Variants in FAM177A1 observed in about 807,000 individuals in gnomAD.
FAM177A1 encodes the protein protein FAM177A1.
Under a neutral mutation model 26.1 loss-of-function variants are expected in FAM177A1, and 22 were observed. The observed-to-expected ratio is 0.84, with a 90% CI of 0.60 to 1.20. FAM177A1 has a LOEUF of 1.20. FAM177A1 is among the 50% of genes most tolerant of loss of function. FAM177A1 has a pLI of 0.00. For synonymous variants in FAM177A1, 95 were observed against 99.3 expected (o/e 0.96, Z 0.26); for missense variants, 296 against 291.1 (o/e 1.02, Z -0.12).
At chr14:35,069,197 A>G (rs1210419390) in intron 2 of FAM177A1, among the ~76,000 whole-genome samples, 4 of 152,132 alleles carry the variant, frequency 2.6e-5, no homozygotes, top group African/African-American at 9.7e-5. Flanking sequence ...TGTATAGCTA[A>G]ATCTCACCAT....
At chr14:35,054,192 G>A (rs1228688895) in intron 2 of FAM177A1, among the ~76,000 whole-genome samples, 3 of 152,108 alleles carry the variant, frequency 2.0e-5, no homozygotes, top group Non-Finnish European at 4.4e-5. Context: ...TACAGCCTGG[G>A]CAACAGAGTG....
intron 1 of FAM177A1, among the ~76,000 whole-genome samples, chr14:35,047,937 G>A (rs1158108681): frequency 1.3e-5 from 2 of 152,122 alleles, no homozygotes; most frequent in Non-Finnish European, 2.9e-5. Context: ...ATCTCTTATA[G>A]TATAAGATGT....
At chr14:35,069,808 C>T (rs532778177) in intron 2 of FAM177A1, among the ~76,000 whole-genome samples, 1 of 151,886 alleles carries the variant, frequency 6.6e-6, no homozygotes, top group South Asian at 2.1e-4. Context: ...GCATATGATA[C>T]TAATAGAGCA....
intron 2 of FAM177A1, among the ~76,000 whole-genome samples, chr14:35,062,745 G>A (rs2045178101): frequency 6.7e-6 from 1 of 149,820 alleles, no homozygotes; most frequent in Admixed American, 6.7e-5. Context: ...AGTGAGCCAT[G>A]ATCATGCCAC....
Position 35,046,470 on chromosome 14 carries a change from G to A in FAM177A1, c.7G>A (p.Val3Met). The change falls in exon 1 of 5, where the codon GTG (valine) becomes ATG (methionine). Residue 3 changes from valine to methionine, a missense_variant. Physicochemically the swap from Val to Met is conservative, Grantham distance 21. Coordinates refer to ENST00000280987, the MANE Select transcript of FAM177A1 (RefSeq NM_173607.5). Reference protein sequence around the residue: MEVGLPAITLFLT... With the variant: MEMGLPAITLFLT... Reference sequence around the variant, plus strand: ...CTGGGCGGGGAGACCAAGGATGGAAGTGGGCTTACCGGCCATTACCCTCTT... The same window carrying A: ...CTGGGCGGGGAGACCAAGGATGGAAATGGGCTTACCGGCCATTACCCTCTT... The A allele has an allele frequency of 1.3e-6, 2 of 1,584,174 alleles. No homozygotes were observed. Among genetic ancestry groups the A allele is most frequent in the African/African-American group, 1.4e-5 (1 of 73,230 alleles).
chr14:35,078,907 T>G lies in FAM177A1; in HGVS notation c.407-20T>G. On this transcript the variant is annotated intron_variant, in intron 3 of 4. Coordinates refer to ENST00000280987, the MANE Select transcript of FAM177A1 (RefSeq NM_173607.5). ...AATGTTTATAGAATTATATAAGTCT[T>G]TTAACTTTTGTATTTTCAGTGTGTG... 6.7e-7 allele frequency: 1 copy of G among 1,498,732 alleles called. No individual in the cohort carries two copies. The highest frequency in any genetic ancestry group is 8.8e-7 in the Non-Finnish European group (1 of 1,131,426). 92.8% of individuals were successfully genotyped at this position (1,498,732 alleles called of 1,614,324 possible).
intron 1 of FAM177A1, among the ~76,000 whole-genome samples, chr14:35,051,334 G>T (rs2044966884): frequency 6.6e-6 from 1 of 152,038 alleles, no homozygotes; most frequent in African/African-American, 2.4e-5. Flanking sequence ...TGGCCGGGCT[G>T]GTCTCCAACT....
chr14:35,074,021 A>T (rs2045359607), intron 2 of FAM177A1, among the ~76,000 whole-genome samples: 1 of 152,228 alleles, frequency 6.6e-6, no homozygotes, highest in African/African-American at 2.4e-5. Context: ...TTTTAAAGCC[A>T]AACTTCTTTC....
At chr14:35,066,268 A>G (rs916524311) in intron 2 of FAM177A1, among the ~76,000 whole-genome samples, 2 of 150,508 alleles carry the variant, frequency 1.3e-5, no homozygotes, top group Admixed American at 1.3e-4. Flanking sequence ...AGGTCTCATT[A>G]TGTTGCCCAG....
At chr14:35,077,260 C>A (rs1566675788) in intron 3 of FAM177A1, 44 bp downstream of exon 3, 1 of 1,542,312 alleles carries the variant, frequency 6.5e-7, no homozygotes, top group Non-Finnish European at 9.0e-7. Context: ...CTGTAACATG[C>A]TTCAGCAACA....
Position 35,078,945 on chromosome 14 carries a change from A to G in FAM177A1, c.425A>G (p.Glu142Gly), listed in dbSNP as rs1198094520. 1 of 1,543,200 alleles carries G rather than the reference A, an allele frequency of 6.5e-7. No individual in the cohort carries two copies. Among genetic ancestry groups the G allele is most frequent in the East Asian group, 2.5e-5 (1 of 40,264 alleles). ...TTTTCAGTGTGTGACTTCCTTGGAG[A>G]GAAGATTGCATCTGTTTTGGGTATC... ...STLSVCDFLG[E>G]KIASVLGIST... is the part of the protein sequence containing the mutation. Residue 142 changes from glutamate to glycine, a missense_variant, in exon 4 of 5, where the codon GAG (glutamate) becomes GGG (glycine). By Grantham distance (98) the Glu-to-Gly change is moderately conservative (BLOSUM62 -2). Coordinates refer to ENST00000280987, the MANE Select transcript of FAM177A1 (RefSeq NM_173607.5).
At chr14:35,068,704 T>C (rs2045274737) in intron 2 of FAM177A1, among the ~76,000 whole-genome samples, 1 of 152,232 alleles carries the variant, frequency 6.6e-6, no homozygotes, top group Non-Finnish European at 1.5e-5. Flanking sequence ...GGGTTTGTGA[T>C]AGCCCATTTT....
chr14:35,071,363 T>C (rs889882625), intron 2 of FAM177A1, among the ~76,000 whole-genome samples: 2 of 152,178 alleles, frequency 1.3e-5, no homozygotes, highest in African/African-American at 4.8e-5. Context: ...ATAAATTGTT[T>C]TAATAAGAAA....
chr14:35,076,738 T>C (rs2045402680), intron 2 of FAM177A1, among the ~76,000 whole-genome samples: 1 of 152,158 alleles, frequency 6.6e-6, no homozygotes, highest in African/African-American at 2.4e-5. Flanking sequence ...TGCTATAGCA[T>C]AAGTATGTCA....
chr14:35,054,749 CAGA>C (rs2045031584), intron 2 of FAM177A1: 1 of 151,890 alleles, frequency 6.6e-6, no homozygotes, highest in South Asian at 2.1e-4. Flanking sequence ...TCGAGGCAGG[CAGA>C]TCACCTGAGG....
intron 2 of FAM177A1, among the ~76,000 whole-genome samples, chr14:35,062,212 C>T (rs1478814536): frequency 6.6e-6 from 1 of 152,054 alleles, no homozygotes; most frequent in East Asian, 1.9e-4. Flanking sequence ...CATTTATATG[C>T]CATTAAGACC....
chr14:35,069,285 GTTT>G, intron 2 of FAM177A1, among the ~76,000 whole-genome samples: 1 of 137,730 alleles, frequency 7.3e-6, no homozygotes, highest in Admixed American at 7.3e-5. Context: ...ATTGGAGTAG[GTTT>G]TTTTTTTTTT....
rs549412598 is a variant in FAM177A1 at position 35,083,014 on chromosome 14, G to C, written c.*1786G>C. ...ATCTTTTGATTATATAATGTCCCAT[G>C]AATTATAGTTTACCAATAGTTCTAA... is the stretch of plus-strand genomic sequence containing the variant. On this transcript the variant is annotated 3_prime_UTR_variant, in exon 5 of 5. Coordinates refer to ENST00000280987, the MANE Select transcript of FAM177A1 (RefSeq NM_173607.5). 7.9e-5 allele frequency: 12 copies of C among 152,272 alleles called. No individual in the cohort carries two copies. The highest frequency in any genetic ancestry group is 2.6e-4 in the African/African-American group (11 of 41,548). 9.4% of individuals were successfully genotyped at this position (152,272 alleles called of 1,614,324 possible).
chr14:35,048,215 T>G (rs539424842), intron 1 of FAM177A1, among the ~76,000 whole-genome samples: 2 of 152,244 alleles, frequency 1.3e-5, no homozygotes, highest in Non-Finnish European at 2.9e-5. Flanking sequence ...GTGCTTGATA[T>G]GTTTTTCAAT....
Sources: allele counts gnomAD v4.1 joint callset (sites outside exome capture counted in the v4.1 genomes callset), GRCh38; gene constraint gnomAD v4.1.1; transcripts MANE v1.5; gene names NCBI Gene and HGNC (gene_info 2026-07-23, HGNC 2026-07-21).